Variants in RNF180 observed in about 807,000 individuals in gnomAD.
RNF180 encodes ring finger protein 180, also known as E3 ubiquitin-protein ligase RNF180.
In RNF180, 38 loss-of-function variants were observed where a neutral mutation model predicts 59.2. The ratio of observed to expected loss-of-function variants is 0.64; its 90% confidence interval spans 0.50 to 0.84. The LOEUF is 0.84. RNF180 is among the 40% of genes least tolerant of loss of function. The pLI is 0.00. For missense variants in RNF180, 705 were observed against 700.9 expected (o/e 1.01, Z -0.07); for synonymous variants, 262 against 240.3 (o/e 1.09, Z -0.84).
chr5:64,315,809 G>A (rs1744013667), intron 5 of RNF180, among the ~76,000 whole-genome samples: 1 of 151,148 alleles, frequency 6.6e-6, no homozygotes, highest in Non-Finnish European at 1.5e-5. Context: ...AATGCTTTAT[G>A]GGTACTTCCC....
At chr5:64,263,488 C>A (rs867807241) in intron 5 of RNF180, among the ~76,000 whole-genome samples, 1 of 152,062 alleles carries the variant, frequency 6.6e-6, no homozygotes, top group Non-Finnish European at 1.5e-5. Context: ...ATGTAATGAA[C>A]CTTTTAACTG....
At chr5:64,213,507 C>T in intron 3 of RNF180, 51 bp from the exon 4 acceptor site, 3 of 1,511,404 alleles carry the variant, frequency 2.0e-6, no homozygotes, top group East Asian at 2.3e-5. Context: ...AATTTCTCTT[C>T]AGTTACTTTA....
chr5:64,198,274 T>G (rs1272381582), intron 1 of RNF180, among the ~76,000 whole-genome samples: 1 of 152,184 alleles, frequency 6.6e-6, no homozygotes, highest in African/African-American at 2.4e-5. Flanking sequence ...AATAAACATG[T>G]CTGGCTAGTA....
chr5:64,296,906 G>C (rs906025531), intron 5 of RNF180, among the ~76,000 whole-genome samples: 4 of 152,020 alleles, frequency 2.6e-5, no homozygotes, highest in Non-Finnish European at 4.4e-5. Flanking sequence ...ACTCTTTGTG[G>C]AACTCTCACA....
At chr5:64,356,200 T>G (rs1013764722) in intron 7 of RNF180, among the ~76,000 whole-genome samples, 3 of 151,418 alleles carry the variant, frequency 2.0e-5, no homozygotes, top group African/African-American at 4.9e-5. Context: ...AGGTTGAGGC[T>G]GAAGTGAGCT....
At position 64,196,451 on chromosome 5, in the gene RNF180, T is replaced by G. The variant is rs565945178; in HGVS notation, c.1-4357T>G. ...GTTTTTTGGTTTTGTTTTTCATTTCTGACTAAATGTTGAATTTCACTGAGA... is the reference window on the plus strand; with the variant it reads ...GTTTTTTGGTTTTGTTTTTCATTTCGGACTAAATGTTGAATTTCACTGAGA... On this transcript the variant is annotated intron_variant, in intron 1 of 7. Transcript: ENST00000389100. Among the ~76,000 whole-genome samples the G allele has an allele frequency of 2.8e-3, 427 of 152,272 alleles. 3 individuals are homozygous for G. The highest frequency in any genetic ancestry group is 0.01 in the African/African-American group (417 of 41,578).
chr5:64,184,602 A>C (rs1470602415), intron 1 of RNF180, among the ~76,000 whole-genome samples: 1 of 152,186 alleles, frequency 6.6e-6, no homozygotes, highest in Non-Finnish European at 1.5e-5. Flanking sequence ...TCATTTTTAG[A>C]TTCTGACATC....
intron 7 of RNF180, among the ~76,000 whole-genome samples, chr5:64,342,834 G>A (rs774480495): frequency 6.6e-6 from 1 of 152,150 alleles, no homozygotes; most frequent in East Asian, 1.9e-4. Context: ...TGTGAACTCC[G>A]TAGTGCTTTG....
rs1000389825 is a variant in RNF180, at chr5:64,213,740, G to C, written c.414G>C (p.Leu138Phe). ...TAATGAGACCATCAGTGAAATACTTGTCACATCCTAGAGTTCAGTCAGGTT... is the reference window on the plus strand; with the variant it reads ...TAATGAGACCATCAGTGAAATACTTCTCACATCCTAGAGTTCAGTCAGGTT... The part of the protein sequence containing the change: ...GRLMRPSVKY[L>F]SHPRVQSGCD... Residue 138 changes from leucine to phenylalanine, a missense_variant, in exon 4 of 8, where the codon TTG becomes TTC. Transcript: ENST00000389100. 10 of 1,614,038 alleles carry C rather than the reference G, an allele frequency of 6.2e-6. No homozygotes were observed. The highest frequency in any genetic ancestry group is 8.5e-6 in the Non-Finnish European group (10 of 1,180,026).
intron 7 of RNF180, among the ~76,000 whole-genome samples, chr5:64,334,181 A>C (rs2112546727): frequency 6.6e-6 from 1 of 152,304 alleles, no homozygotes; most frequent in Non-Finnish European, 1.5e-5. Context: ...GTAGGAAAGC[A>C]ATGGGCACTG....
chr5:64,291,466 C>T (rs181838002), intron 5 of RNF180, among the ~76,000 whole-genome samples: 17 of 138,996 alleles, frequency 1.2e-4, no homozygotes, highest in Admixed American at 1.2e-3. Context: ...GATCTGTTGC[C>T]CAGGCTGGAG....
intron 1 of RNF180, among the ~76,000 whole-genome samples, chr5:64,181,065 G>C (rs960941787): frequency 6.6e-6 from 1 of 152,172 alleles, no homozygotes; most frequent in South Asian, 2.1e-4. Flanking sequence ...TCTGATGTTC[G>C]AGGGTAGGAA....
intron 1 of RNF180, among the ~76,000 whole-genome samples, chr5:64,194,964 G>T (rs941664458): frequency 6.6e-6 from 1 of 152,096 alleles, no homozygotes; most frequent in Non-Finnish European, 1.5e-5. Context: ...TTCACAAACT[G>T]AACATGTATA....
At chr5:64,294,328 AT>A in intron 5 of RNF180, among the ~76,000 whole-genome samples, 1 of 152,224 alleles carries the variant, frequency 6.6e-6, no homozygotes, top group Non-Finnish European at 1.5e-5. Context: ...AAATGCATGT[AT>A]CAAAACATCT....
intron 1 of RNF180, among the ~76,000 whole-genome samples, chr5:64,177,247 G>A (rs1389866): frequency 0.023 from 3,561 of 151,954 alleles, 127 homozygotes; most frequent in African/African-American, 0.075. Flanking sequence ...ACACATTCCC[G>A]ACTTAGTGTT....
chr5:64,214,872 GT>G (rs1009354145), intron 4 of RNF180, among the ~76,000 whole-genome samples: 5 of 151,612 alleles, frequency 3.3e-5, no homozygotes, highest in African/African-American at 1.2e-4. Flanking sequence ...TTGAAAAAAT[GT>G]TTTTTTTAAA....
intron 5 of RNF180, among the ~76,000 whole-genome samples, chr5:64,252,630 T>G (rs1481919451): frequency 6.6e-6 from 1 of 152,086 alleles, no homozygotes; most frequent in East Asian, 1.9e-4. Flanking sequence ...CAGTTCCAGC[T>G]GTTAAGTATA....
At chr5:64,204,036 A>AT in intron 2 of RNF180, among the ~76,000 whole-genome samples, 1 of 152,156 alleles carries the variant, frequency 6.6e-6, no homozygotes, top group Non-Finnish European at 1.5e-5. Flanking sequence ...CCATATATAT[A>AT]ATAAGTGTTT....
intron 7 of RNF180, among the ~76,000 whole-genome samples, chr5:64,354,651 T>C (rs937663082): frequency 3.9e-5 from 6 of 151,924 alleles, no homozygotes; most frequent in African/African-American, 1.2e-4. Context: ...AAAAGAATTA[T>C]AGACCACTAT....
Sources: gnomAD v4.1 joint callset for allele counts (sites outside exome capture counted in the v4.1 genomes callset) on GRCh38, gnomAD v4.1.1 for gene constraint, MANE v1.5 for transcripts, NCBI Gene and HGNC (gene_info 2026-07-23, HGNC 2026-07-21) for gene names.